CYBA: variants seen among roughly 807,000 people sequenced by gnomAD.
The protein encoded by CYBA is cytochrome b-245 light chain.
CYBA carries 21 observed loss-of-function variants against 20.8 expected under a neutral mutation model. That is an observed-to-expected ratio of 1.01 (90% CI 0.72 to 1.46). The LOEUF (loss-of-function observed/expected upper bound fraction) is 1.46. CYBA is among the 40% of genes most tolerant of loss of function. CYBA has a pLI of 0.00. For missense variants in CYBA, 344 were observed against 287.0 expected, an observed-to-expected ratio of 1.20 and a Z score of -1.43; for synonymous variants, 164 against 127.5, an observed-to-expected ratio of 1.29 and a Z score of -1.93.
chr16:88,648,155 C>T (rs771834031), intron 1 of CYBA, 41 bp from the exon 2 acceptor site: 2 of 1,573,206 alleles, frequency 1.3e-6, no homozygotes. Context: ...GGCTCCCGTC[C>T]CGGGGGCCTG....
rs572742896 is a variant in CYBA, at chr16:88,651,010, C to A, written c.4G>T (p.Gly2Trp). MGQIEWAMWANE... is the reference protein window; with the variant it reads MWQIEWAMWANE... ...GCCCACATGGCCCACTCGATCTGCC[C>A]CATGGCGACACGAACCCGGCTGGGA... Residue 2 changes from glycine to tryptophan, a missense_variant, in exon 1 of 6, where the codon GGG (glycine) becomes TGG (tryptophan). By Grantham distance (184) the Gly-to-Trp change is radical. Coordinates refer to ENST00000261623, the MANE Select transcript of CYBA (RefSeq NM_000101.4). 4 of 1,595,688 alleles carry A rather than the reference C, an allele frequency of 2.5e-6. No individual in the cohort carries two copies. Among genetic ancestry groups the A allele is most frequent in the South Asian group, 2.3e-5 (2 of 88,814 alleles).
At chr16:88,646,094 G>A (rs1450555644) in intron 5 of CYBA, 22 bp downstream of exon 5, 24 of 1,542,736 alleles carry the variant, frequency 1.6e-5, no homozygotes, top group East Asian at 1.2e-4. Context: ...GGCCGGGGCC[G>A]ACCTCAGAGG....
intron 1 of CYBA, chr16:88,650,684 G>C: frequency 3.3e-6 from 2 of 608,262 alleles, no homozygotes; most frequent in Middle Eastern, 2.6e-4. Context: ...TTCCTCCTTC[G>C]CGGAGTCGGG....
intron 4 of CYBA, 68 bp from the exon 5 acceptor site, chr16:88,646,265 C>A (rs1050612550): frequency 7.7e-5 from 61 of 790,462 alleles, no homozygotes; most frequent in Admixed American, 2.1e-4. Context: ...AGCCCCAGGT[C>A]TGGGGGCCAA....
In CYBA at chr16:88,646,480, C is replaced by T. The variant is rs755286058; in HGVS notation, c.287+275G>A. The T allele has an allele frequency of 1.1e-4, 75 of 697,252 alleles. No individual in the cohort carries two copies. The Middle Eastern group carries it at 1.2e-3, about 11-fold the overall frequency. 43.2% of individuals were successfully genotyped at this position (697,252 alleles called of 1,614,324 possible). A position where few individuals can be genotyped will look rare whatever the true frequency, so the allele number is the denominator to read the frequency against. On this transcript the variant is annotated intron_variant, in intron 4 of 5. Coordinates refer to ENST00000261623, the MANE Select transcript of CYBA (RefSeq NM_000101.4). The stretch of plus-strand genomic sequence containing the variant: ...CACAGCACGGAACCCTCCACCCTAC[C>T]AGGAAGCCCAGGCAAGACCCCCCAG...
intron 1 of CYBA, chr16:88,650,414 AG>A: frequency 2.2e-6 from 1 of 457,344 alleles, no homozygotes; most frequent in South Asian, 1.5e-5. Context: ...TGGGCTGGGC[AG>A]GGCCGTCACT....
chr16:88,645,453 A>G, intron 5 of CYBA: 1 of 700,472 alleles, frequency 1.4e-6, no homozygotes, highest in Non-Finnish European at 2.6e-6. Flanking sequence ...GATTTAAATA[A>G]GCAAAGTCTG....
At chr16:88,645,213 C>A in intron 5 of CYBA, 1 of 702,372 alleles carries the variant, frequency 1.4e-6, no homozygotes, top group East Asian at 2.7e-5. Flanking sequence ...GGGTGGCCCC[C>A]GGAAAACAAA....
chr16:88,650,839 C>T, intron 1 of CYBA, 117 bp downstream of exon 1: 2 of 1,182,778 alleles, frequency 1.7e-6, no homozygotes, highest in South Asian at 2.6e-5. Flanking sequence ...TGACCCCGGC[C>T]CGGCCTGGCC....
Position 88,643,316 on chromosome 16 carries a change from T to A in CYBA, c.*37A>T. On this transcript the variant is annotated 3_prime_UTR_variant, in exon 6 of 6. Transcript: ENST00000261623. This position sits in a 1 kb window ranked among gnomAD's most constrained non-coding sequence, Gnocchi z 4.3. ...CCGGCTTCGCTGCATTTATTGCAGG[T>A]GGGTGCACCTGGCGGGAGGGCAGGT... 7.1e-7 allele frequency: 1 copy of A among 1,403,938 alleles called. No homozygotes were observed. Among genetic ancestry groups the A allele is most frequent in the Non-Finnish European group, 9.5e-7 (1 of 1,050,742 alleles). 87.0% of individuals were successfully genotyped at this position (1,403,938 alleles called of 1,614,324 possible).
At chr16:88,644,928 CCA>C (rs1907220226) in intron 5 of CYBA, 1 of 570,704 alleles carries the variant, frequency 1.8e-6, no homozygotes, top group Non-Finnish European at 3.1e-6. Context: ...CAGCTCAAAT[CCA>C]CAGTCAGAGA....
chr16:88,646,415 T>C lies in CYBA; in HGVS notation c.288-218A>G, dbSNP rs907913139. The C allele has an allele frequency of 3.7e-5, 9 of 245,304 alleles. No homozygotes were observed. The African/African-American group carries it at 3.8e-4, about 10-fold the overall frequency. The allele number at this position is 245,304 out of a possible 1,614,324, so 15.2% of individuals were successfully genotyped here. A position where few individuals can be genotyped will look rare whatever the true frequency, so the allele number is the denominator to read the frequency against. Reference sequence around the variant, plus strand: ...CACTTGCTCGGAGGAAGCAGCCACGTGTGGGTGTCCTGGCCTCAGCCGGCA... The same window carrying C: ...CACTTGCTCGGAGGAAGCAGCCACGCGTGGGTGTCCTGGCCTCAGCCGGCA... On this transcript the variant is annotated intron_variant, in intron 4 of 5. Transcript: ENST00000261623.
At chr16:88,650,381 C>G in intron 1 of CYBA, 1 of 456,926 alleles carries the variant, frequency 2.2e-6, no homozygotes, top group Non-Finnish European at 4.4e-6. Context: ...CATCCCACCC[C>G]AAGAGCAAAG....
chr16:88,646,063 G>T (rs1567608725), intron 5 of CYBA, 53 bp downstream of exon 5: 3 of 1,448,132 alleles, frequency 2.1e-6, no homozygotes, highest in East Asian at 4.9e-5. Flanking sequence ...GGGTGTCAGG[G>T]CAGGGGCTGG....
Position 88,647,112 on chromosome 16 carries a change from G to T in CYBA, c.192C>A (p.Thr64=). ...YPRGKRKKGS[T]MERWGQKYMT... ...AGGAGGAGACTCACCAGCGCTCCAT[G>T]GTGGAGCCCTTCTTCCTCTTCCCCC... The change falls in exon 3 of 6, where the codon ACC becomes ACA. Residue 64 remains threonine, a synonymous_variant. Coordinates refer to ENST00000261623, the MANE Select transcript of CYBA (RefSeq NM_000101.4). The T allele has an allele frequency of 6.2e-7, 1 of 1,610,892 alleles. No homozygotes were observed. Among genetic ancestry groups the T allele is most frequent in the African/African-American group, 1.3e-5 (1 of 75,026 alleles).
At chr16:88,650,794 AG>A (rs1907494168) in intron 1 of CYBA, 161 bp downstream of exon 1, 4 of 724,524 alleles carry the variant, frequency 5.5e-6, no homozygotes, top group Non-Finnish European at 9.4e-6. Flanking sequence ...CCGCGGCCTG[AG>A]GGTCCCGCCC....
rs376704630 is a variant in CYBA, at chr16:88,645,102, C to T, written c.369+1014G>A. 156 of 691,324 alleles carry T rather than the reference C, an allele frequency of 2.3e-4. No homozygotes were observed. The African/African-American group carries it at 2.5e-3, about 11-fold the overall frequency. The allele number at this position is 691,324 out of a possible 1,614,324, so 42.8% of individuals were successfully genotyped here. A position where few individuals can be genotyped will look rare whatever the true frequency, so the allele number is the denominator to read the frequency against. On this transcript the variant is annotated intron_variant, in intron 5 of 5. Transcript: ENST00000261623. ...AGGGTGAACGGTGCAGAGGCTGATG[C>T]CTGACCCAGCAATTCCTCTCTGGGT...
At chr16:88,646,717 C>T (rs773944893) in intron 4 of CYBA, 38 bp downstream of exon 4, 1 of 1,580,924 alleles carries the variant, frequency 6.3e-7, no homozygotes, top group South Asian at 1.1e-5. Context: ...GCTCCAAGCC[C>T]TCCTGAGCCC....
intron 4 of CYBA, 29 bp from the exon 5 acceptor site, chr16:88,646,226 C>T (rs1383966315): frequency 1.6e-5 from 19 of 1,209,248 alleles, no homozygotes; most frequent in Non-Finnish European, 1.9e-5. Context: ...GAGGCAGGGA[C>T]ACAGAAGGGC....
Sources: gnomAD v4.1 joint callset for allele counts on GRCh38, gnomAD v4.1.1 for gene constraint, Gnocchi (gnomAD v3.1) non-coding constraint, MANE v1.5 for transcripts, NCBI Gene and HGNC (gene_info 2026-07-23, HGNC 2026-07-21) for gene names.